The following EML5 variants were observed in gnomAD, a reference collection of about 807,000 sequenced individuals.
EML5 encodes echinoderm microtubule-associated protein-like 5.
EML5 carries 120 observed loss-of-function variants against 250.0 expected under a neutral mutation model. That is an observed-to-expected ratio of 0.48 (90% CI 0.41 to 0.56). The LOEUF (loss-of-function observed/expected upper bound fraction) is 0.56. EML5 is among the 20% of genes least tolerant of loss of function. The probability of loss-of-function intolerance (pLI) is 0.00; values close to 1 mark genes in which losing one functional copy is unlikely to be tolerated. For missense variants in EML5, 2,006 were observed against 2,437.6 expected (o/e 0.82, Z 3.73); for synonymous variants, 771 against 806.5 (o/e 0.96, Z 0.75).
chr14:88,648,743 C>T (rs1437096404), intron 28 of EML5, among the ~76,000 whole-genome samples: 1 of 152,080 alleles, frequency 6.6e-6, no homozygotes, highest in Non-Finnish European at 1.5e-5. Flanking sequence ...TCCAAGTCTC[C>T]TTTAAAATGT....
At chr14:88,755,442 A>G (rs930424497) in intron 1 of EML5, among the ~76,000 whole-genome samples, 1 of 152,158 alleles carries the variant, frequency 6.6e-6, no homozygotes, top group Non-Finnish European at 1.5e-5. Context: ...TAAATTATAA[A>G]TTCCATTTTA....
chr14:88,622,887 T>C, intron 36 of EML5, 169 bp from the exon 37 acceptor site: 1 of 468,768 alleles, frequency 2.1e-6, no homozygotes. Context: ...GAGGATATAC[T>C]ATATCTCAGT....
At chr14:88,645,350 G>A (rs12434948) in intron 29 of EML5, among the ~76,000 whole-genome samples, 2,553 of 152,246 alleles carry the variant, frequency 0.017, 43 homozygotes, top group Admixed American at 0.047. Context: ...TTTGGTGTAC[G>A]TGTCATAATG....
In EML5 at chr14:88,706,277, C is replaced by T. The variant is rs775669628; in HGVS notation, c.1807G>A (p.Val603Ile). ...FIPERKLKDA[V>I]HIAPQESLAD... ...TACTCACCTTGGGGTGCTATGTGAA[C>T]AGCATCTTTCAGTTTTCTTTCAGGA... The change falls in exon 11 of 44, where the codon GTT becomes ATT. Residue 603 changes from valine (V) to isoleucine (I), a missense_variant. This residue lies in a region of EML5 where 1,375 missense variants were observed against 1,590.3 expected (regional missense o/e 0.86). Coordinates refer to ENST00000554922, the MANE Select transcript of EML5 (RefSeq NM_183387.3). The T allele has an allele frequency of 3.1e-6, 5 of 1,607,672 alleles. No homozygotes were observed. Among genetic ancestry groups the T allele is most frequent in the Middle Eastern group, 1.7e-4 (1 of 6,038 alleles).
chr14:88,627,909 G>C (rs2090132424), intron 33 of EML5, 90 bp from the exon 34 acceptor site: 2 of 1,172,184 alleles, frequency 1.7e-6, no homozygotes, highest in African/African-American at 3.0e-5. Flanking sequence ...GTGAAACATG[G>C]ACAAATGTGT....
chr14:88,743,404 A>G (rs922485556), intron 4 of EML5, among the ~76,000 whole-genome samples: 1 of 152,080 alleles, frequency 6.6e-6, no homozygotes, highest in Non-Finnish European at 1.5e-5. Context: ...TTGTCAAAAA[A>G]AAAATTTAAA....
At chr14:88,703,073 T>C (rs2093247179) in intron 13 of EML5, among the ~76,000 whole-genome samples, 1 of 152,052 alleles carries the variant, frequency 6.6e-6, no homozygotes, top group African/African-American at 2.4e-5. Flanking sequence ...TACCACCATC[T>C]CAGATCCAAT....
In EML5 at chr14:88,621,223, T is replaced by C; in HGVS notation, c.5092A>G (p.Asn1698Asp). The change falls in exon 38 of 44, where the codon AAC becomes GAC. Residue 1698 changes from asparagine to aspartate, a missense_variant. By Grantham distance (23) the Asn-to-Asp change is conservative. Transcript: ENST00000554922. ...EKNAACNILV[N>D]GHVDGPIWGL... Reference sequence around the variant, plus strand: ...CAGATTGGCCCATCCACATGACCGTTAACTAAAATATTACAAGCTGCATTT... The same window carrying C: ...CAGATTGGCCCATCCACATGACCGTCAACTAAAATATTACAAGCTGCATTT... 6.2e-7 allele frequency: 1 copy of C among 1,613,954 alleles called. No homozygotes were observed. The highest frequency in any genetic ancestry group is 1.6e-4 in the Middle Eastern group (1 of 6,062).
chr14:88,747,921 C>T (rs2094031852), intron 2 of EML5, among the ~76,000 whole-genome samples: 2 of 145,110 alleles, frequency 1.4e-5, no homozygotes, highest in Admixed American at 6.8e-5. Flanking sequence ...AGAAACTGTA[C>T]AGAATACATG....
chr14:88,778,817 T>G (rs1323270663), intron 1 of EML5, among the ~76,000 whole-genome samples: 1 of 152,162 alleles, frequency 6.6e-6, no homozygotes, highest in Non-Finnish European at 1.5e-5. Flanking sequence ...AAGTTAAATA[T>G]TTCAGGGATC....
rs2140191416 is a variant in EML5 at position 88,613,082 on chromosome 14, T to C, written c.*2736A>G. The C allele has an allele frequency of 6.6e-6, 1 of 152,558 alleles. No homozygotes were observed. Among genetic ancestry groups the C allele is most frequent in the Non-Finnish European group, 1.5e-5 (1 of 68,028 alleles). 9.5% of individuals were successfully genotyped at this position (152,558 alleles called of 1,614,324 possible). ...GTTTAAGATTGTCAAGCCAGCAGTC[T>C]ACTGTTGTGTTGCCATTGCTTTTCC... On this transcript the variant is annotated 3_prime_UTR_variant, in exon 44 of 44. Transcript: ENST00000554922.
chr14:88,728,063 G>A (rs2140103039), intron 7 of EML5, among the ~76,000 whole-genome samples: 2 of 152,262 alleles, frequency 1.3e-5, no homozygotes, highest in Middle Eastern at 3.4e-3. Context: ...GTACTTAGGA[G>A]GAACTTTTGG....
intron 31 of EML5, 31 bp downstream of exon 31, chr14:88,642,857 AAATTG>A: frequency 6.4e-7 from 1 of 1,558,318 alleles, no homozygotes; most frequent in Non-Finnish European, 8.6e-7. Context: ...TAAGTTAAAA[AAATTG>A]ATAGAGGGAT....
In EML5 at chr14:88,658,249, C is replaced by A. The variant is rs776427954; in HGVS notation, c.3815G>T (p.Gly1272Val). ...ATCACAAGGCCTTTTTTCTCGATAG[C>A]CTTCCATCTCATTTGTCCACACCAT... Reference protein sequence around the residue: ...SLMVWTNEMEGYREKRPCDSE... With the variant: ...SLMVWTNEMEVYREKRPCDSE... Residue 1272 changes from glycine to valine, a missense_variant, in exon 26 of 44, where the codon GGC becomes GTC. Gly to Val is a moderately radical substitution (Grantham distance 109). Transcript: ENST00000554922. 12 of 1,613,808 alleles carry A rather than the reference C, an allele frequency of 7.4e-6. No homozygotes were observed. The South Asian group carries it at 1.1e-4, about 15-fold the overall frequency.
intron 24 of EML5, 22 bp downstream of exon 24, chr14:88,663,009 G>T: frequency 1.3e-6 from 2 of 1,528,820 alleles, no homozygotes; most frequent in South Asian, 2.5e-5. Flanking sequence ...GAACAACACT[G>T]CAAGCACCAC....
chr14:88,718,126 G>C (rs1054490472), intron 8 of EML5, among the ~76,000 whole-genome samples: 1 of 152,128 alleles, frequency 6.6e-6, no homozygotes, highest in Admixed American at 6.5e-5. Context: ...CCATTAACTA[G>C]GATACGGCCC....
intron 3 of EML5, among the ~76,000 whole-genome samples, chr14:88,745,844 G>A (rs1466719829): frequency 6.6e-6 from 1 of 152,064 alleles, no homozygotes; most frequent in Non-Finnish European, 1.5e-5. Context: ...TGTAGATGAT[G>A]GGTTGATGGG....
intron 21 of EML5, among the ~76,000 whole-genome samples, chr14:88,665,780 C>T (rs2092290422): frequency 6.6e-6 from 1 of 152,056 alleles, no homozygotes; most frequent in Non-Finnish European, 1.5e-5. Flanking sequence ...TGGTGGCACA[C>T]ACCTGTAGTC....
chr14:88,705,411 T>A lies in EML5; in HGVS notation c.1932+71A>T, dbSNP rs928327390. On this transcript the variant is annotated intron_variant, in intron 12 of 43. Coordinates refer to ENST00000554922, the MANE Select transcript of EML5 (RefSeq NM_183387.3). ...TAAAGCCACAAAAGATAACAACAGA[T>A]GACTAACGGGGAGCAAGATAAAGAA... The A allele has an allele frequency of 8.2e-6, 9 of 1,094,158 alleles. No homozygotes were observed. The Admixed American group carries it at 1.8e-4, about 22-fold the overall frequency. 67.8% of individuals were successfully genotyped at this position (1,094,158 alleles called of 1,614,324 possible).
Sources: allele counts gnomAD v4.1 joint callset (sites outside exome capture counted in the v4.1 genomes callset), GRCh38; gene constraint gnomAD v4.1.1; regional missense constraint gnomAD v4.1.1; transcripts MANE v1.5; gene names NCBI Gene and HGNC (gene_info 2026-07-23, HGNC 2026-07-21).